SCPEP1: variants seen among roughly 807,000 people sequenced by gnomAD.
The protein encoded by SCPEP1 is retinoid-inducible serine carboxypeptidase.
In SCPEP1, 51 loss-of-function variants were observed where a neutral mutation model predicts 63.8. The observed-to-expected ratio is 0.80, with a 90% CI of 0.64 to 1.01. SCPEP1 has a LOEUF of 1.01. Ranked by LOEUF, SCPEP1 falls within the 50% of genes least tolerant of loss-of-function variation. The pLI, the probability that SCPEP1 is intolerant of heterozygous loss-of-function variation, is 0.00. For synonymous variants in SCPEP1, 204 were observed against 207.8 expected, an observed-to-expected ratio of 0.98 and a Z score of 0.16; for missense variants, 499 against 554.9, an observed-to-expected ratio of 0.90 and a Z score of 1.01.
At chr17:56,999,041 G>T (rs1597922138) in intron 10 of SCPEP1, among the ~76,000 whole-genome samples, 1 of 152,138 alleles carries the variant, frequency 6.6e-6, no homozygotes, top group African/African-American at 2.4e-5. Context: ...ATGTGTAATT[G>T]GTTGTGAGTT....
rs375452801 is a variant in SCPEP1 at position 57,002,090 on chromosome 17, T to C, written c.1205T>C (p.Leu402Pro). The C allele has an allele frequency of 6.2e-7, 1 of 1,614,236 alleles. No individual in the cohort carries two copies. Reference sequence around the variant, plus strand: ...TTCAGTCAGCTGAAGTGGAAGGCCCTGTACAGTGACCCTAAATCTTTGGAA... The same window carrying C: ...TTCAGTCAGCTGAAGTGGAAGGCCCCGTACAGTGACCCTAAATCTTTGGAA... Reference protein sequence around the residue: ...PKFSQLKWKALYSDPKSLETS... With the variant: ...PKFSQLKWKAPYSDPKSLETS... The change falls in exon 12 of 13, where the codon CTG (leucine) becomes CCG (proline). Residue 402 changes from leucine to proline, a missense_variant. Coordinates refer to ENST00000262288, the MANE Select transcript of SCPEP1 (RefSeq NM_021626.3).
At chr17:57,003,209 G>T (rs1360264629) in intron 12 of SCPEP1, among the ~76,000 whole-genome samples, 1 of 152,160 alleles carries the variant, frequency 6.6e-6, no homozygotes, top group Non-Finnish European at 1.5e-5. Flanking sequence ...CAGACAGCGA[G>T]GACTTGGAAT....
chr17:56,980,133 G>A (rs1320761105), intron 1 of SCPEP1, among the ~76,000 whole-genome samples: 1 of 151,516 alleles, frequency 6.6e-6, no homozygotes, highest in Non-Finnish European at 1.5e-5. Context: ...TTGTTTTTTT[G>A]AGATAGGATC....
In SCPEP1 at chr17:56,991,107, G is replaced by A. The variant is rs376696212; in HGVS notation, c.555G>A (p.Gln185=). 1.2e-6 allele frequency: 2 copies of A among 1,613,774 alleles called. No homozygotes were observed. Among genetic ancestry groups the A allele is most frequent in the East Asian group, 4.5e-5 (2 of 44,874 alleles). The change falls in exon 6 of 13, where the codon CAG becomes CAA. Residue 185 remains glutamine, a synonymous_variant. Coordinates refer to ENST00000262288, the MANE Select transcript of SCPEP1 (RefSeq NM_021626.3). ...CTTGTTTCCTCTTTCAGGCCATTCA[G>A]CGAGGGACCATCAAGTGCAACTTTG... The part of the protein sequence containing the change: ...GIGLELYKAI[Q]RGTIKCNFAG...
intron 11 of SCPEP1, among the ~76,000 whole-genome samples, 159 bp downstream of exon 11, chr17:57,001,151 A>C (rs1393063946): frequency 3.9e-5 from 6 of 152,100 alleles, no homozygotes; most frequent in Admixed American, 3.9e-4. Flanking sequence ...GATTATTCAA[A>C]GGGTGGGGAG....
intron 6 of SCPEP1, among the ~76,000 whole-genome samples, chr17:56,992,227 A>G (rs1165323481): frequency 6.6e-6 from 1 of 152,234 alleles, no homozygotes; most frequent in African/African-American, 2.4e-5. Flanking sequence ...TGCTTGTTAC[A>G]GAGCCATATT....
intron 6 of SCPEP1, among the ~76,000 whole-genome samples, chr17:56,994,676 C>T (rs1272066197): frequency 3.9e-5 from 6 of 152,244 alleles, no homozygotes; most frequent in African/African-American, 1.4e-4. Context: ...TGCATACCTA[C>T]AGCCTGCCTG....
At chr17:56,982,936 G>A (rs1198383560) in intron 2 of SCPEP1, 1 of 151,964 alleles carries the variant, frequency 6.6e-6, no homozygotes, top group African/African-American at 2.4e-5. Flanking sequence ...TAGATGAAAA[G>A]GAGATCTATT....
At chr17:56,980,586 C>T (rs1226801922) in intron 1 of SCPEP1, among the ~76,000 whole-genome samples, 2 of 152,050 alleles carry the variant, frequency 1.3e-5, no homozygotes, top group African/African-American at 2.4e-5. Flanking sequence ...GTCAGGAGTG[C>T]GAGACCAGCC....
chr17:57,000,364 G>A (rs182548995), intron 10 of SCPEP1, among the ~76,000 whole-genome samples: 1 of 152,196 alleles, frequency 6.6e-6, no homozygotes, highest in East Asian at 1.9e-4. Context: ...TCTCTTGCCT[G>A]GGGCTTGTTA....
chr17:57,005,470 C>T (rs549741619), intron 12 of SCPEP1, among the ~76,000 whole-genome samples: 46 of 152,200 alleles, frequency 3.0e-4, no homozygotes, highest in African/African-American at 1.1e-3. Flanking sequence ...GATAACCCAC[C>T]TTGCCTGTGC....
At chr17:56,981,284 GC>G in intron 2 of SCPEP1, 54 bp downstream of exon 2, 2 of 1,599,496 alleles carry the variant, frequency 1.3e-6, no homozygotes, top group Middle Eastern at 1.8e-4. Context: ...CCTCTGTGTG[GC>G]TCTTTGCTTG....
At position 56,985,344 on chromosome 17, in the gene SCPEP1, T is replaced by G. The variant is rs773334754; in HGVS notation, c.226-34T>G. 12 of 1,555,776 alleles carry G rather than the reference T, an allele frequency of 7.7e-6. No individual in the cohort carries two copies. In the South Asian group the frequency reaches 1.3e-4, roughly 17 times the overall value. ...TTCATTGTAAAGACTAAGATCTGACTAAAATTTTTGTTTGTTTCTTCTCTC... is the reference window on the plus strand; with the variant it reads ...TTCATTGTAAAGACTAAGATCTGACGAAAATTTTTGTTTGTTTCTTCTCTC... On this transcript the variant is annotated intron_variant, in intron 2 of 12. Transcript: ENST00000262288.
intron 12 of SCPEP1, among the ~76,000 whole-genome samples, chr17:57,002,798 C>G (rs1048450243): frequency 6.7e-6 from 1 of 149,482 alleles, no homozygotes; most frequent in African/African-American, 2.5e-5. Flanking sequence ...TTGATTGAGC[C>G]TGAAAGTTAG....
chr17:56,994,468 G>C (rs1466534583), intron 6 of SCPEP1, among the ~76,000 whole-genome samples: 2 of 152,284 alleles, frequency 1.3e-5, no homozygotes, highest in Middle Eastern at 3.4e-3. Flanking sequence ...TATGTTTGTG[G>C]GATGGGAATA....
At chr17:57,005,142 C>T (rs944297823) in intron 12 of SCPEP1, among the ~76,000 whole-genome samples, 2 of 152,180 alleles carry the variant, frequency 1.3e-5, no homozygotes, top group Non-Finnish European at 2.9e-5. Flanking sequence ...TGAATGCAGC[C>T]GCCCATGGGG....
At chr17:56,994,155 G>A (rs1911477775) in intron 6 of SCPEP1, among the ~76,000 whole-genome samples, 2 of 152,178 alleles carry the variant, frequency 1.3e-5, no homozygotes, top group South Asian at 2.1e-4. Flanking sequence ...TGGGCAACAT[G>A]GACTTAGTTC....
At chr17:56,980,392 G>C (rs1273034221) in intron 1 of SCPEP1, among the ~76,000 whole-genome samples, 1 of 152,180 alleles carries the variant, frequency 6.6e-6, no homozygotes, top group Non-Finnish European at 1.5e-5. Flanking sequence ...TGGGATTACA[G>C]GAGTGAGCCA....
intron 12 of SCPEP1, 66 bp downstream of exon 12, chr17:57,002,247 T>A: frequency 6.6e-7 from 1 of 1,523,596 alleles, no homozygotes; most frequent in Admixed American, 1.8e-5. Context: ...GCGGTTATTA[T>A]GCCTCTGTCC....
Sources: gnomAD v4.1 joint callset for allele counts (sites outside exome capture counted in the v4.1 genomes callset) on GRCh38, gnomAD v4.1.1 for gene constraint, MANE v1.5 for transcripts, NCBI Gene and HGNC (gene_info 2026-07-23, HGNC 2026-07-21) for gene names.